MAST3: variants seen among roughly 807,000 people sequenced by gnomAD.
MAST3 encodes microtubule-associated serine/threonine-protein kinase 3.
In MAST3, 43 loss-of-function variants were observed where a neutral mutation model predicts 127.0. The ratio of observed to expected loss-of-function variants is 0.34; its 90% CI spans 0.27 to 0.44. The LOEUF is 0.44. Among genes scored for constraint, MAST3 ranks in the 20% least tolerant of loss-of-function variants. The pLI, the probability that MAST3 is intolerant of heterozygous loss-of-function variation, is 1.00. For missense variants in MAST3, 1,390 were observed against 1,919.1 expected (o/e 0.72, Z 5.15); for synonymous variants, 785 against 809.2 (o/e 0.97, Z 0.51).
intron 19 of MAST3, among the ~76,000 whole-genome samples, chr19:18,138,117 C>T (rs143364230): frequency 0.018 from 2,647 of 150,698 alleles, 87 homozygotes; most frequent in African/African-American, 0.061. Flanking sequence ...GGCTGAGGCA[C>T]GAGAATTGCT....
rs187507492 is a variant in MAST3 at position 18,149,762 on chromosome 19, G to C, written c.*36G>C. ...GGTCTCTCCCTGGCATCAAAGTTAC[G>C]CGTTTTCTTGTGCAATGTTTTTTCC... On this transcript the variant is annotated 3_prime_UTR_variant, in exon 28 of 28. Coordinates refer to ENST00000687212, the MANE Select transcript of MAST3 (RefSeq NM_001393504.1). The surrounding 1 kb of genome is among the most constrained non-coding windows in gnomAD (Gnocchi z 5.9). 3,681 of 1,605,820 alleles carry C rather than the reference G, an allele frequency of 2.3e-3. 13 individuals carry two copies. The highest frequency in any genetic ancestry group is 3.6e-3 in the Middle Eastern group (22 of 6,050).
chr19:18,147,585 A>C lies in MAST3; in HGVS notation c.3469A>C (p.Thr1157Pro). The change falls in exon 27 of 28, where the codon ACC becomes CCC. Residue 1157 changes from threonine to proline, a missense_variant. Thr to Pro is a conservative substitution (Grantham distance 38). Around this residue, in one of 5 missense-constraint regions of MAST3, gnomAD observed 816 missense variants for 934.1 expected, o/e 0.87. Transcript: ENST00000687212. The part of the protein sequence containing the change: ...SPTHSLSPSP[T>P]TPCRSPAPDV... ...CACCCACAGCCTCTCCCCCAGCCCC[A>C]CCACTCCCTGCCGAAGCCCAGCCCC... 1 of 1,561,442 alleles carries C rather than the reference A, an allele frequency of 6.4e-7. No homozygotes were observed. Among genetic ancestry groups the C allele is most frequent in the Non-Finnish European group, 8.7e-7 (1 of 1,153,098 alleles).
At chr19:18,135,377 A>G (rs1426493925) in intron 17 of MAST3, among the ~76,000 whole-genome samples, 1 of 152,132 alleles carries the variant, frequency 6.6e-6, no homozygotes, top group Non-Finnish European at 1.5e-5. Context: ...AGGCAAGAGA[A>G]TCACTTGAAC....
chr19:18,142,522 T>A (rs2042606138), intron 21 of MAST3, among the ~76,000 whole-genome samples: 1 of 151,870 alleles, frequency 6.6e-6, no homozygotes, highest in Non-Finnish European at 1.5e-5. Flanking sequence ...CGGCTAATTT[T>A]TATATTTTTA....
rs148874512 is a variant in MAST3, at chr19:18,133,399, A to G, written c.1572-1180A>G. Reference sequence around the variant, plus strand: ...TCTTTATTTATTTATTTATTTTTTGAGACAGGGACAGTCTTTGTCGCCCGG... The same window carrying G: ...TCTTTATTTATTTATTTATTTTTTGGGACAGGGACAGTCTTTGTCGCCCGG... On this transcript the variant is annotated intron_variant, in intron 15 of 27. Transcript: ENST00000687212. Among the ~76,000 whole-genome samples, 246 of 152,168 alleles carry G rather than the reference A, an allele frequency of 1.6e-3. 2 individuals are homozygous for G. The highest frequency in any genetic ancestry group is 5.6e-3 in the African/African-American group (234 of 41,514).
At chr19:18,115,461 C>T (rs1027105275) in intron 3 of MAST3, among the ~76,000 whole-genome samples, 4 of 151,950 alleles carry the variant, frequency 2.6e-5, no homozygotes, top group African/African-American at 4.8e-5. Flanking sequence ...TGGCTCAGCA[C>T]GTAGTGACAG....
At chr19:18,132,275 C>T (rs2041393733) in intron 15 of MAST3, among the ~76,000 whole-genome samples, 1 of 152,158 alleles carries the variant, frequency 6.6e-6, no homozygotes, top group African/African-American at 2.4e-5. Flanking sequence ...TAATAGGCGT[C>T]TGCTGTATGC....
chr19:18,146,845 A>T, intron 25 of MAST3, 36 bp from the exon 26 acceptor site: 1 of 1,517,868 alleles, frequency 6.6e-7, no homozygotes, highest in Non-Finnish European at 8.9e-7. Flanking sequence ...GCCCTGTGAG[A>T]GGCACAGAGG....
rs1163814003 is a variant in MAST3 at position 18,144,367 on chromosome 19, G to A, written c.2585-99G>A. On this transcript the variant is annotated intron_variant, in intron 22 of 27. Transcript: ENST00000687212. This position sits in a 1 kb window ranked among gnomAD's most constrained non-coding sequence, Gnocchi z 4.0. Reference sequence around the variant, plus strand: ...TGCATGAGCAAAGGCCAGGAGGCTGGACTGTGTAAATAGTGACCAGGGAGG... The same window carrying A: ...TGCATGAGCAAAGGCCAGGAGGCTGAACTGTGTAAATAGTGACCAGGGAGG... The A allele has an allele frequency of 3.8e-6, 4 of 1,042,730 alleles. No homozygotes were observed. Among genetic ancestry groups the A allele is most frequent in the Non-Finnish European group, 5.7e-6 (4 of 703,546 alleles). The allele number at this position is 1,042,730 out of a possible 1,614,324, so 64.6% of individuals were successfully genotyped here.
intron 11 of MAST3, among the ~76,000 whole-genome samples, 160 bp downstream of exon 11, chr19:18,124,934 C>G (rs56101340): frequency 7.3e-6 from 1 of 137,612 alleles, no homozygotes; most frequent in East Asian, 2.1e-4. Context: ...GGTGGAAACC[C>G]CCCCCCTACT....
At chr19:18,126,479 A>G (rs543781318) in intron 11 of MAST3, among the ~76,000 whole-genome samples, 2 of 152,246 alleles carry the variant, frequency 1.3e-5, no homozygotes, top group East Asian at 3.9e-4. Context: ...GTCCCCATTG[A>G]AAGCTGGGGA....
intron 15 of MAST3, 27 bp downstream of exon 15, chr19:18,132,074 C>T: frequency 1.2e-6 from 2 of 1,612,716 alleles, no homozygotes; most frequent in Non-Finnish European, 8.5e-7. Context: ...TGAGCGGGGC[C>T]TCGCGGAGGG....
At chr19:18,116,682 G>A (rs927639913) in intron 3 of MAST3, among the ~76,000 whole-genome samples, 2 of 135,354 alleles carry the variant, frequency 1.5e-5, no homozygotes, top group African/African-American at 5.4e-5. Context: ...GGCCAAGGCG[G>A]GAGGATCACC....
rs1377673149 is a variant in MAST3, at chr19:18,131,478, A to T, written c.1433-431A>T. On this transcript the variant is annotated intron_variant, in intron 14 of 27. Transcript: ENST00000687212. ...CACTTTGGGAGGCCAAGGCTGGTGG[A>T]TCACGAGGTCAAGAGATCGAGACCA... is the stretch of plus-strand genomic sequence containing the variant. Among the ~76,000 whole-genome samples, 3 of 140,402 alleles carry T rather than the reference A, an allele frequency of 2.1e-5. 1 individual carries two copies. Among genetic ancestry groups the T allele is most frequent in the African/African-American group, 7.8e-5 (3 of 38,464 alleles). 92.1% of individuals were successfully genotyped at this position (140,402 alleles called of 152,430 possible). A position where few individuals can be genotyped will look rare whatever the true frequency, so the allele number is the denominator to read the frequency against.
chr19:18,145,365 C>G lies in MAST3; in HGVS notation c.3039+136C>G. On this transcript the variant is annotated intron_variant, in intron 24 of 27. Transcript: ENST00000687212. The surrounding 1 kb of genome is among the most constrained non-coding windows in gnomAD (Gnocchi z 5.9). The stretch of plus-strand genomic sequence containing the variant: ...TGGTGCCACCGAGTTCATCTCGGTC[C>G]CTGTCATTTGGCAGGGAGGAGGTCA... 3 of 812,300 alleles carry G rather than the reference C, an allele frequency of 3.7e-6. No homozygotes were observed. The highest frequency in any genetic ancestry group is 2.9e-4 in the Middle Eastern group (1 of 3,412). 50.3% of individuals were successfully genotyped at this position (812,300 alleles called of 1,614,324 possible).
In MAST3 at chr19:18,149,970, T is replaced by G. The variant is rs1769562578; in HGVS notation, c.*244T>G. 4.9e-6 allele frequency: 2 copies of G among 406,238 alleles called. No homozygotes were observed. Among genetic ancestry groups the G allele is most frequent in the Non-Finnish European group, 8.4e-6 (2 of 237,406 alleles). The allele number at this position is 406,238 out of a possible 1,614,324, so 25.2% of individuals were successfully genotyped here. On this transcript the variant is annotated 3_prime_UTR_variant, in exon 28 of 28. Transcript: ENST00000687212. The surrounding 1 kb of genome is among the most constrained non-coding windows in gnomAD (Gnocchi z 5.9). ...TAGCAGCAAATCCCTGCAACTAATT[T>G]ATTACTTTTTTTTTCTTTTTTTTTT...
chr19:18,146,952 G>A lies in MAST3; in HGVS notation c.3234G>A (p.Lys1078=). ...CCATCAAGGTGGGCCCCGCCCGGAA[G>A]AATGTGGCCAAGGGCCGCATGGCAC... ...NTSIKVGPAR[K]NVAKGRMARR... The change falls in exon 26 of 28, where the codon AAG becomes AAA. Residue 1078 remains lysine (K), a synonymous_variant. Coordinates refer to ENST00000687212, the MANE Select transcript of MAST3 (RefSeq NM_001393504.1). 6.4e-7 allele frequency: 1 copy of A among 1,562,062 alleles called. No homozygotes were observed. The highest frequency in any genetic ancestry group is 1.4e-5 in the African/African-American group (1 of 73,748).
At chr19:18,124,501 G>T in intron 10 of MAST3, 135 bp downstream of exon 10, 1 of 1,344,184 alleles carries the variant, frequency 7.4e-7, no homozygotes, top group Non-Finnish European at 1.0e-6. Flanking sequence ...TATTGGGCTA[G>T]CGTGGGCTTC....
chr19:18,134,951 C>G lies in MAST3; in HGVS notation c.1839C>G (p.Thr613=), dbSNP rs199683174. The G allele has an allele frequency of 2.0e-4, 322 of 1,613,142 alleles. No homozygotes were observed. In the African/African-American group the frequency reaches 2.0e-3, roughly 10 times the overall value. ...GCTGCGTGCCTTTCTTTGGAGATAC[C>G]CCCGAGGAACTCTTCGGTCAGGTGG... ...LVGCVPFFGD[T]PEELFGQVVS... is the part of the protein sequence containing the mutation. The change falls in exon 17 of 28, where the codon ACC becomes ACG. Residue 613 remains threonine, a synonymous_variant. Coordinates refer to ENST00000687212, the MANE Select transcript of MAST3 (RefSeq NM_001393504.1).
Sources: gnomAD v4.1 joint callset for allele counts (sites outside exome capture counted in the v4.1 genomes callset) on GRCh38, gnomAD v4.1.1 for gene constraint, gnomAD v4.1.1 regional missense constraint, Gnocchi (gnomAD v3.1) non-coding constraint, MANE v1.5 for transcripts, NCBI Gene and HGNC (gene_info 2026-07-23, HGNC 2026-07-21) for gene names.